The following PLCB1 variants were observed in gnomAD, a reference collection of about 807,000 sequenced individuals.
The protein encoded by PLCB1 is phospholipase C beta 1, also known as 1-phosphatidylinositol 4,5-bisphosphate phosphodiesterase beta-1.
In PLCB1, 46 loss-of-function variants were observed where a neutral mutation model predicts 161.8. The observed-to-expected ratio is 0.28, with a 90% confidence interval of 0.22 to 0.36. The LOEUF (loss-of-function observed/expected upper bound fraction) is 0.36, where lower values mean the gene tolerates loss of function less well. PLCB1 is among the 10% of genes least tolerant of loss of function. The pLI, the probability that PLCB1 is intolerant of heterozygous loss-of-function variation, is 1.00. For synonymous variants in PLCB1, 517 were observed against 503.7 expected (o/e 1.03, Z -0.35); for missense variants, 1,016 against 1,472.5 (o/e 0.69, Z 5.07).
intron 9 of PLCB1, among the ~76,000 whole-genome samples, chr20:8,659,524 T>C (rs1011579588): frequency 2.0e-5 from 3 of 152,120 alleles, no homozygotes; most frequent in Admixed American, 6.6e-5. Flanking sequence ...TAACCAATTA[T>C]TGAAAAGAAA....
At chr20:8,275,792 G>T (rs901420982) in intron 2 of PLCB1, among the ~76,000 whole-genome samples, 2 of 152,172 alleles carry the variant, frequency 1.3e-5, no homozygotes, top group African/African-American at 2.4e-5. Context: ...TGGGGGAGCT[G>T]TCTAGAGGGT....
At chr20:8,177,810 A>G (rs2051798756) in intron 2 of PLCB1, among the ~76,000 whole-genome samples, 1 of 152,106 alleles carries the variant, frequency 6.6e-6, no homozygotes, top group African/African-American at 2.4e-5. Flanking sequence ...ATAGTACCCA[A>G]TAGATAGTTT....
At chr20:8,436,327 CA>C (rs11468737) in intron 3 of PLCB1, among the ~76,000 whole-genome samples, 17,764 of 115,208 alleles carry the variant, frequency 0.15, 1,057 homozygotes, top group East Asian at 0.36. Flanking sequence ...GAGACCCTGT[CA>C]AAAAAAAAAA....
At chr20:8,505,513 A>G (rs774935086) in intron 3 of PLCB1, among the ~76,000 whole-genome samples, 5 of 152,336 alleles carry the variant, frequency 3.3e-5, no homozygotes, top group Non-Finnish European at 4.4e-5. Context: ...AAGAATAGAG[A>G]AATATAGCCT....
Position 8,132,630 on chromosome 20 carries a change from C to A in PLCB1, c.-22C>A. On this transcript the variant is annotated 5_prime_UTR_variant, in exon 1 of 32. Transcript: ENST00000338037. This position sits in a 1 kb window ranked among gnomAD's most constrained non-coding sequence, Gnocchi z 5.2. ...GTCCCTGCCGCGCTCGCCCGGGCCG[C>A]CCGGAGCCCAGATGAGCCCAGATGG... 1.9e-6 allele frequency: 3 copies of A among 1,581,038 alleles called. No individual in the cohort carries two copies. The highest frequency in any genetic ancestry group is 2.6e-6 in the Non-Finnish European group (3 of 1,159,628).
intron 3 of PLCB1, among the ~76,000 whole-genome samples, chr20:8,479,655 G>A (rs1339629751): frequency 6.6e-6 from 1 of 152,112 alleles, no homozygotes; most frequent in Non-Finnish European, 1.5e-5. Flanking sequence ...TTCCATCTTT[G>A]CCATGAGTGT....
chr20:8,716,313 G>T lies in PLCB1; in HGVS notation c.1300G>T (p.Asp434Tyr). 6.2e-7 allele frequency: 1 copy of T among 1,614,062 alleles called. No individual in the cohort carries two copies. Among genetic ancestry groups the T allele is most frequent in the Non-Finnish European group, 8.5e-7 (1 of 1,179,940 alleles). Residue 434 changes from aspartate to tyrosine, a missense_variant, in exon 13 of 32, where the codon GAT becomes TAT. Coordinates refer to ENST00000338037, the MANE Select transcript of PLCB1 (RefSeq NM_015192.4). ...MAEYCRLIFG[D>Y]ALLMEPLEKY... is the part of the protein sequence containing the mutation. ...GGAGTACTGCCGACTGATCTTTGGG[G>T]ATGCCCTTCTCATGGAGCCCCTGGA...
At chr20:8,208,066 T>A (rs1978624853) in intron 2 of PLCB1, among the ~76,000 whole-genome samples, 1 of 152,090 alleles carries the variant, frequency 6.6e-6, no homozygotes, top group African/African-American at 2.4e-5. Context: ...TGGAAGGCAT[T>A]TTTAGAACAT....
intron 3 of PLCB1, among the ~76,000 whole-genome samples, chr20:8,540,570 A>G (rs28514623): frequency 0.012 from 1,813 of 152,204 alleles, 34 homozygotes; most frequent in African/African-American, 0.04. Context: ...CTTCCTGCCA[A>G]TTCACTTAGA....
At chr20:8,258,638 T>C (rs1232536175) in intron 2 of PLCB1, among the ~76,000 whole-genome samples, 1 of 152,172 alleles carries the variant, frequency 6.6e-6, no homozygotes, top group Non-Finnish European at 1.5e-5. Flanking sequence ...TAATTACTTC[T>C]GAAGAGAAAA....
chr20:8,787,743 C>A (rs1983557442), intron 27 of PLCB1, among the ~76,000 whole-genome samples: 1 of 152,248 alleles, frequency 6.6e-6, no homozygotes, highest in Non-Finnish European at 1.5e-5. Context: ...TACAAAAACA[C>A]AATTGATGCC....
chr20:8,547,556 G>A (rs541849075), intron 3 of PLCB1, among the ~76,000 whole-genome samples: 32 of 135,572 alleles, frequency 2.4e-4, no homozygotes, highest in African/African-American at 5.8e-4. Context: ...TATCTAACCC[G>A]TTCTATGTTC....
intron 3 of PLCB1, among the ~76,000 whole-genome samples, chr20:8,455,432 C>CTTCTT (rs1555808193): frequency 4.0e-5 from 3 of 74,206 alleles, no homozygotes; most frequent in African/African-American, 1.9e-4. Context: ...TATTCTTCCT[C>CTTCTT]TTTTTTTTTT....
At chr20:8,382,283 C>CTTTTTT (rs71331303) in intron 3 of PLCB1, among the ~76,000 whole-genome samples, 5 of 130,570 alleles carry the variant, frequency 3.8e-5, no homozygotes, top group African/African-American at 8.6e-5. Context: ...GTTTCTTTTT[C>CTTTTTT]TTTTTTTTTT....
At chr20:8,424,360 AT>A (rs1471705253) in intron 3 of PLCB1, among the ~76,000 whole-genome samples, 2 of 152,188 alleles carry the variant, frequency 1.3e-5, no homozygotes, top group Non-Finnish European at 2.9e-5. Flanking sequence ...GCAACAGGGT[AT>A]TTGTTTGGTT....
chr20:8,788,555 T>C (rs761852910), intron 28 of PLCB1, 30 bp downstream of exon 28: 11 of 1,603,990 alleles, frequency 6.9e-6, no homozygotes, highest in Non-Finnish European at 9.4e-6. Context: ...ACAATTGACA[T>C]GTGCATCTGA....
Position 8,748,393 on chromosome 20 carries a change from T to C in PLCB1, c.2523+6820T>C, listed in dbSNP as rs541616559. ...GTTGAAGAACTAGGGTCTTTTTAAA[T>C]ATGTATCAAGAAAAGACCATTCATT... is the stretch of plus-strand genomic sequence containing the variant. On this transcript the variant is annotated intron_variant, in intron 23 of 31. Transcript: ENST00000338037. Among the ~76,000 whole-genome samples the C allele has an allele frequency of 4.6e-5, 7 of 152,308 alleles. No individual in the cohort carries two copies. In the South Asian group the frequency reaches 1.5e-3, roughly 32 times the overall value.
chr20:8,395,131 A>G, intron 3 of PLCB1, among the ~76,000 whole-genome samples: 1 of 152,220 alleles, frequency 6.6e-6, no homozygotes, highest in East Asian at 1.9e-4. Flanking sequence ...AAATAAATTT[A>G]GTAAGAGTTT....
chr20:8,747,739 C>G (rs769782315), intron 23 of PLCB1, among the ~76,000 whole-genome samples: 3 of 151,308 alleles, frequency 2.0e-5, no homozygotes, highest in Admixed American at 6.6e-5. Context: ...ACTACTGCAC[C>G]CTAGCCTGGG....
Sources: gnomAD v4.1 joint callset for allele counts (sites outside exome capture counted in the v4.1 genomes callset) on GRCh38, gnomAD v4.1.1 for gene constraint, Gnocchi (gnomAD v3.1) non-coding constraint, MANE v1.5 for transcripts, NCBI Gene and HGNC (gene_info 2026-07-23, HGNC 2026-07-21) for gene names.